The following DISC1 variants were observed in gnomAD, a reference collection of about 807,000 sequenced individuals.
The protein encoded by DISC1 is disrupted in schizophrenia 1 protein.
In DISC1, 57 loss-of-function variants were observed where a neutral mutation model predicts 84.5. That is an observed-to-expected ratio of 0.67 (90% CI 0.55 to 0.84). The LOEUF is 0.84. DISC1 is among the 40% of genes least tolerant of loss of function. The pLI is 0.00. For synonymous variants in DISC1, 411 were observed against 415.2 expected (o/e 0.99, Z 0.12); for missense variants, 1,000 against 1,057.8 (o/e 0.95, Z 0.76).
intron 9 of DISC1, among the ~76,000 whole-genome samples, chr1:231,940,464 G>A (rs1209493592): frequency 6.6e-6 from 1 of 152,170 alleles, no homozygotes; most frequent in Non-Finnish European, 1.5e-5. Context: ...TTCTGCCTTA[G>A]GACCCAATTT....
intron 9 of DISC1, among the ~76,000 whole-genome samples, chr1:231,867,499 G>A (rs188310030): frequency 3.3e-5 from 5 of 152,126 alleles, no homozygotes; most frequent in Non-Finnish European, 5.9e-5. Context: ...AGCAGAGAGC[G>A]CCTGTTCCAG....
At chr1:231,803,600 A>G (rs1002945969) in intron 8 of DISC1, among the ~76,000 whole-genome samples, 4 of 152,120 alleles carry the variant, frequency 2.6e-5, no homozygotes, top group African/African-American at 9.7e-5. Context: ...CTCTTGCAAC[A>G]TAGCAGCTGA....
intron 8 of DISC1, among the ~76,000 whole-genome samples, chr1:231,807,291 G>A (rs1371597827): frequency 3.3e-5 from 5 of 152,230 alleles, no homozygotes. Context: ...CTCAGCCCCT[G>A]AGGCCCGGCG....
intron 6 of DISC1, among the ~76,000 whole-genome samples, chr1:231,775,676 G>A (rs1305903859): frequency 1.3e-5 from 2 of 151,974 alleles, no homozygotes; most frequent in Non-Finnish European, 2.9e-5. Context: ...CAGAGCAGGG[G>A]TGCATGAAAG....
intron 9 of DISC1, among the ~76,000 whole-genome samples, chr1:231,882,543 C>T (rs1379381611): frequency 6.6e-6 from 1 of 152,156 alleles, no homozygotes; most frequent in Non-Finnish European, 1.5e-5. Flanking sequence ...CTCTGGGTGT[C>T]GTTTGAATAA....
chr1:231,958,937 CT>C lies in DISC1; in HGVS notation c.2042+52del, dbSNP rs1660004539. The stretch of plus-strand genomic sequence containing the variant: ...TCAGACTCCGTAGCACATCTAGATT[CT>C]TTATTATAACAGAATTTAGTTAAAT... On this transcript the variant is annotated intron_variant, in intron 10 of 12. Transcript: ENST00000439617. The C allele has an allele frequency of 3.2e-6, 5 of 1,554,846 alleles. No individual in the cohort carries two copies. In the East Asian group the frequency reaches 1.2e-4, roughly 37 times the overall value.
chr1:231,874,028 G>A (rs4385692), intron 9 of DISC1, among the ~76,000 whole-genome samples: 75,539 of 149,122 alleles, frequency 0.51, 18,992 homozygotes, highest in Middle Eastern at 0.56. Context: ...TTTTATTTTT[G>A]GTAGAGATGG....
chr1:231,706,878 G>T (rs2067155154), intron 3 of DISC1, among the ~76,000 whole-genome samples: 1 of 152,120 alleles, frequency 6.6e-6, no homozygotes, highest in Non-Finnish European at 1.5e-5. Flanking sequence ...CACTGATGGT[G>T]TGCAAATTAC....
At chr1:231,803,040 G>A (rs540417094) in intron 8 of DISC1, among the ~76,000 whole-genome samples, 18 of 152,180 alleles carry the variant, frequency 1.2e-4, no homozygotes, top group South Asian at 4.1e-4. Flanking sequence ...ACTTTAAGAC[G>A]TAGTGACTTA....
At chr1:231,857,794 C>T (rs916164565) in intron 9 of DISC1, among the ~76,000 whole-genome samples, 5 of 152,138 alleles carry the variant, frequency 3.3e-5, no homozygotes, top group African/African-American at 7.2e-5. Flanking sequence ...GAATGTGGAC[C>T]GGCTACCCGG....
intron 9 of DISC1, among the ~76,000 whole-genome samples, chr1:231,951,817 G>A (rs894318468): frequency 2.0e-5 from 3 of 151,984 alleles, no homozygotes; most frequent in Admixed American, 6.6e-5. Flanking sequence ...TGTAATCTCA[G>A]TACTTTGGGA....
chr1:231,664,674 C>T (rs2061859796), intron 1 of DISC1, among the ~76,000 whole-genome samples: 1 of 152,140 alleles, frequency 6.6e-6, no homozygotes. Flanking sequence ...CTCACTTTGA[C>T]CTCCAGAACT....
chr1:231,967,478 A>G (rs957366499), intron 10 of DISC1, among the ~76,000 whole-genome samples: 14 of 152,224 alleles, frequency 9.2e-5, no homozygotes, highest in African/African-American at 3.4e-4. Context: ...TTGTGAAACA[A>G]ATATTGGAGT....
At chr1:231,982,432 T>C (rs946604438) in intron 10 of DISC1, among the ~76,000 whole-genome samples, 2 of 152,154 alleles carry the variant, frequency 1.3e-5, no homozygotes, top group Admixed American at 6.5e-5. Context: ...TTTACATCAT[T>C]ATTTACTTTT....
intron 9 of DISC1, among the ~76,000 whole-genome samples, chr1:231,888,268 C>T (rs1023831500): frequency 8.5e-5 from 13 of 152,052 alleles, no homozygotes; most frequent in African/African-American, 2.7e-4. Context: ...GTCTGGAAGG[C>T]GTGCTGGCCC....
intron 6 of DISC1, among the ~76,000 whole-genome samples, chr1:231,779,149 C>T (rs1032914810): frequency 6.6e-6 from 1 of 152,132 alleles, no homozygotes. Context: ...TTTTCTCTAG[C>T]GGCTAAACGA....
At chr1:231,848,816 T>A (rs777194997) in intron 9 of DISC1, among the ~76,000 whole-genome samples, 7 of 152,182 alleles carry the variant, frequency 4.6e-5, no homozygotes, top group Non-Finnish European at 7.3e-5. Flanking sequence ...ATGTCTTGGA[T>A]CAAGTTTTGG....
At chr1:231,738,542 C>G (rs1438974615) in intron 3 of DISC1, among the ~76,000 whole-genome samples, 3 of 152,142 alleles carry the variant, frequency 2.0e-5, no homozygotes, top group Non-Finnish European at 4.4e-5. Flanking sequence ...GAAAATGATA[C>G]TGTGCGTTCA....
At chr1:231,929,456 A>T (rs200012839) in intron 9 of DISC1, among the ~76,000 whole-genome samples, 1 of 152,244 alleles carries the variant, frequency 6.6e-6, no homozygotes, top group Non-Finnish European at 1.5e-5. Flanking sequence ...GGCTTGAATC[A>T]TTCATGCTGT....
Sources: allele counts gnomAD v4.1 joint callset (sites outside exome capture counted in the v4.1 genomes callset), GRCh38; gene constraint gnomAD v4.1.1; transcripts MANE v1.5; gene names NCBI Gene and HGNC (gene_info 2026-07-23, HGNC 2026-07-21).